The following PREX1 variants were observed in gnomAD, a reference collection of about 807,000 sequenced individuals.
The protein encoded by PREX1 is phosphatidylinositol 3,4,5-trisphosphate-dependent Rac exchanger 1 protein.
A neutral mutation model predicts 198.3 loss-of-function variants in PREX1; 41 were observed. The observed-to-expected ratio is 0.21, with a 90% CI of 0.16 to 0.27. The LOEUF (loss-of-function observed/expected upper bound fraction) is 0.27, where lower values mean the gene tolerates loss of function less well. PREX1 is among the 10% of genes least tolerant of loss of function. The pLI, the probability that PREX1 is intolerant of heterozygous loss-of-function variation, is 1.00. For synonymous variants in PREX1, 843 were observed against 887.2 expected, an observed-to-expected ratio of 0.95 and a Z score of 0.89; for missense variants, 1,620 against 2,200.7, an observed-to-expected ratio of 0.74 and a Z score of 5.28.
intron 1 of PREX1, among the ~76,000 whole-genome samples, chr20:48,810,491 G>A (rs544393844): frequency 6.6e-6 from 1 of 151,720 alleles, no homozygotes; most frequent in Non-Finnish European, 1.5e-5. Flanking sequence ...GGCTGAGGTG[G>A]GAAGGTCACC....
At chr20:48,791,099 A>G (rs560711340) in intron 1 of PREX1, among the ~76,000 whole-genome samples, 5 of 152,312 alleles carry the variant, frequency 3.3e-5, no homozygotes, top group African/African-American at 9.6e-5. Context: ...GGAGATATGC[A>G]TGCAGAAAAC....
upstream of PREX1, among the ~76,000 whole-genome samples, chr20:48,829,079 C>G (rs994727352): frequency 6.6e-6 from 1 of 152,158 alleles, no homozygotes; most frequent in Non-Finnish European, 1.5e-5. Context: ...AGGTCCTCCC[C>G]GGGGTTCCAT....
chr20:48,714,909 TCAGA>T (rs1410768394), intron 5 of PREX1, among the ~76,000 whole-genome samples: 4 of 152,214 alleles, frequency 2.6e-5, no homozygotes, highest in Non-Finnish European at 4.4e-5. Flanking sequence ...CCAGCTGGTC[TCAGA>T]CAGGCATAAA....
chr20:48,629,754 CTG>C, intron 36 of PREX1, 133 bp from the exon 37 acceptor site: 1 of 942,912 alleles, frequency 1.1e-6, no homozygotes, highest in South Asian at 1.6e-5. Context: ...GCTCACCCCT[CTG>C]GGGATAACAA....
Position 48,666,946 on chromosome 20 carries a change from T to C in PREX1, c.1666-591A>G, listed in dbSNP as rs2089644938. Among the ~76,000 whole-genome samples the C allele has an allele frequency of 6.6e-6, 1 of 152,194 alleles. No individual in the cohort carries two copies. Among genetic ancestry groups the C allele is most frequent in the Admixed American group, 6.5e-5 (1 of 15,280 alleles). On this transcript the variant is annotated intron_variant, in intron 14 of 39. Transcript: ENST00000371941. The surrounding 1 kb of genome is among the most constrained non-coding windows in gnomAD (Gnocchi z 4.3). ...AATGTTGGTTGCCTAGCAACACCTT[T>C]CCCATTCCTCCCTGGTCAAGAAGCC...
chr20:48,746,771 A>ACCTTT (rs1467982844), intron 2 of PREX1, among the ~76,000 whole-genome samples: 4 of 152,120 alleles, frequency 2.6e-5, no homozygotes, highest in Non-Finnish European at 4.4e-5. Context: ...AAAAAAGGTA[A>ACCTTT]TTTTTTATAA....
In PREX1 at chr20:48,703,569, T is replaced by C. The variant is rs534708944; in HGVS notation, c.784-2683A>G. ...GTCCCTGGAGCCCACGTGCCTCCCC[T>C]TCCTTTTGCCTTGGCTCCCTTATGC... On this transcript the variant is annotated intron_variant, in intron 6 of 39. Coordinates refer to ENST00000371941, the MANE Select transcript of PREX1 (RefSeq NM_020820.4). Among the ~76,000 whole-genome samples the C allele has an allele frequency of 3.9e-4, 60 of 152,304 alleles. No individual in the cohort carries two copies. The South Asian group carries it at 0.012, about 31-fold the overall frequency.
rs149338738 is a variant in PREX1, at chr20:48,723,712, G to A, written c.621+2578C>T. On this transcript the variant is annotated intron_variant, in intron 5 of 39. Transcript: ENST00000371941. ...CCATTTCCTCCACGGGTCGCCGGGC[G>A]GTTCTGCCCCTGCTCTCTCTGTTCT... Among the ~76,000 whole-genome samples the A allele has an allele frequency of 3.5e-4, 54 of 152,260 alleles. No homozygotes were observed. The East Asian group carries it at 9.5e-3, about 27-fold the overall frequency.
At chr20:48,852,719 C>T in the PREX1 span, among the ~76,000 whole-genome samples, 2 of 152,156 alleles carry the variant, frequency 1.3e-5, no homozygotes, top group East Asian at 1.9e-4. Context: ...CAAGATGATG[C>T]ATTGTATCAT....
intron 3 of PREX1, 102 bp downstream of exon 3, chr20:48,744,923 G>A: frequency 6.9e-7 from 1 of 1,457,098 alleles, no homozygotes; most frequent in Non-Finnish European, 9.3e-7. Context: ...CTCCCAGACA[G>A]GCCTACAGAG....
chr20:48,691,870 T>C lies in PREX1; in HGVS notation c.1037-774A>G, dbSNP rs913489146. Among the ~76,000 whole-genome samples, 1 of 152,126 alleles carries C rather than the reference T, an allele frequency of 6.6e-6. No homozygotes were observed. The highest frequency in any genetic ancestry group is 2.1e-4 in the South Asian group (1 of 4,828). ...AACGTGGTGTTGAGTGAAAGCAGTT[T>C]GTTTAAAAAAAAATGTAGACCATAT... On this transcript the variant is annotated intron_variant, in intron 8 of 39. Coordinates refer to ENST00000371941, the MANE Select transcript of PREX1 (RefSeq NM_020820.4). The surrounding 1 kb of genome is among the most constrained non-coding windows in gnomAD (Gnocchi z 5.0).
At chr20:48,766,078 C>T (rs1310225075) in intron 1 of PREX1, among the ~76,000 whole-genome samples, 1 of 152,160 alleles carries the variant, frequency 6.6e-6, no homozygotes, top group East Asian at 1.9e-4. Context: ...ATGGGACTGT[C>T]TAGTTGCAGG....
chr20:48,886,730 A>G, the PREX1 span, among the ~76,000 whole-genome samples: 4 of 152,232 alleles, frequency 2.6e-5, no homozygotes, highest in Non-Finnish European at 5.9e-5. Context: ...ACAAACATAA[A>G]TTCATTTAAC....
chr20:48,759,869 C>T (rs1265988382), intron 1 of PREX1, among the ~76,000 whole-genome samples: 1 of 152,070 alleles, frequency 6.6e-6, no homozygotes, highest in Non-Finnish European at 1.5e-5. Flanking sequence ...CTGTGGGAGG[C>T]CGAGGCAGGC....
chr20:48,767,640 G>C (rs1161963871), intron 1 of PREX1, among the ~76,000 whole-genome samples: 1 of 152,136 alleles, frequency 6.6e-6, no homozygotes, highest in Non-Finnish European at 1.5e-5. Context: ...CGTAAAAGCA[G>C]CCCTCTCCAA....
intron 10 of PREX1, among the ~76,000 whole-genome samples, chr20:48,683,036 C>T (rs1372918736): frequency 6.6e-6 from 1 of 152,210 alleles, no homozygotes; most frequent in Non-Finnish European, 1.5e-5. Flanking sequence ...AGAAGAAATG[C>T]ATCTGCTTTG....
chr20:48,630,526 C>T (rs779029496), intron 36 of PREX1, among the ~76,000 whole-genome samples: 4 of 152,134 alleles, frequency 2.6e-5, no homozygotes, highest in Admixed American at 1.3e-4. Flanking sequence ...CGGCTGCCAG[C>T]GAAAATAAAT....
At chr20:48,840,849 G>T in the PREX1 span, among the ~76,000 whole-genome samples, 1 of 152,106 alleles carries the variant, frequency 6.6e-6, no homozygotes, top group Non-Finnish European at 1.5e-5. Flanking sequence ...TAGAGACAGG[G>T]TCTTACACTG....
intron 39 of PREX1, 150 bp downstream of exon 39, chr20:48,627,398 G>T: frequency 1.2e-6 from 1 of 865,190 alleles, no homozygotes; most frequent in Non-Finnish European, 1.8e-6. Context: ...TGACAAAGTT[G>T]TGTCTGTTGC....
Sources: allele counts gnomAD v4.1 joint callset (sites outside exome capture counted in the v4.1 genomes callset), GRCh38; gene constraint gnomAD v4.1.1; non-coding constraint Gnocchi (gnomAD v3.1); transcripts MANE v1.5; gene names NCBI Gene and HGNC (gene_info 2026-07-23, HGNC 2026-07-21).